Variants in KIAA1217 observed in about 807,000 individuals in gnomAD.
KIAA1217 encodes the protein sickle tail protein homolog.
A neutral mutation model predicts 163.9 loss-of-function variants in KIAA1217; 88 were observed. The observed-to-expected ratio is 0.54, with a 90% CI of 0.45 to 0.64. The LOEUF is 0.64. KIAA1217 is among the 30% of genes least tolerant of loss of function. The pLI, the probability that KIAA1217 is intolerant of heterozygous loss-of-function variation, is 0.00. For synonymous variants in KIAA1217, 903 were observed against 923.1 expected (o/e 0.98, Z 0.39); for missense variants, 2,372 against 2,475.0 (o/e 0.96, Z 0.88).
chr10:23,794,226 T>A (rs1451679252), intron 1 of KIAA1217, among the ~76,000 whole-genome samples: 1 of 152,204 alleles, frequency 6.6e-6, no homozygotes, highest in Non-Finnish European at 1.5e-5. Flanking sequence ...ATGCTTACCT[T>A]TTGCTGATTT....
chr10:24,212,145 C>T (rs1486319125), intron 1 of KIAA1217, among the ~76,000 whole-genome samples: 1 of 151,748 alleles, frequency 6.6e-6, no homozygotes, highest in African/African-American at 2.4e-5. Context: ...AAAGAAAAGA[C>T]AAACAAGACA....
At chr10:24,138,361 C>T (rs951838717) in intron 2 of KIAA1217, among the ~76,000 whole-genome samples, 5 of 152,160 alleles carry the variant, frequency 3.3e-5, no homozygotes, top group African/African-American at 4.8e-5. Context: ...GTTTCCCAGG[C>T]TGGTCTTGAA....
At chr10:24,310,293 CACA>C (rs1248051371) in intron 2 of KIAA1217, among the ~76,000 whole-genome samples, 1 of 152,180 alleles carries the variant, frequency 6.6e-6, no homozygotes, top group Non-Finnish European at 1.5e-5. Flanking sequence ...ATTTCATCTT[CACA>C]ACAACTCGAT....
chr10:24,202,270 G>T (rs1330955656), intron 2 of KIAA1217, among the ~76,000 whole-genome samples: 2 of 152,208 alleles, frequency 1.3e-5, no homozygotes, highest in Admixed American at 1.3e-4. Context: ...ATTTGGCAGA[G>T]AAGCCAGTAG....
chr10:23,726,642 G>A (rs1838153650), intron 1 of KIAA1217, among the ~76,000 whole-genome samples: 1 of 151,976 alleles, frequency 6.6e-6, no homozygotes, highest in African/African-American at 2.4e-5. Flanking sequence ...GAAAATTTTT[G>A]CAATCTACTC....
chr10:24,221,417 T>C (rs1325593539), intron 2 of KIAA1217, among the ~76,000 whole-genome samples: 1 of 152,126 alleles, frequency 6.6e-6, no homozygotes, highest in Non-Finnish European at 1.5e-5. Context: ...GGAGGAAAGC[T>C]CAGTGTTTTA....
intron 1 of KIAA1217, among the ~76,000 whole-genome samples, chr10:23,967,345 A>C (rs1012871718): frequency 6.6e-6 from 1 of 152,192 alleles, no homozygotes; most frequent in Non-Finnish European, 1.5e-5. Context: ...AGAAAATTAC[A>C]TGGTAATTTA....
intron 2 of KIAA1217, among the ~76,000 whole-genome samples, chr10:24,335,583 A>G (rs911531806): frequency 1.1e-4 from 13 of 114,640 alleles, no homozygotes; most frequent in African/African-American, 4.8e-4. Context: ...ATTTTATCTT[A>G]TTTTATTTAT....
chr10:24,415,787 C>T (rs2058198334), intron 3 of KIAA1217, among the ~76,000 whole-genome samples: 2 of 152,198 alleles, frequency 1.3e-5, no homozygotes. Context: ...CTCAGGAACC[C>T]CTTTATTGCT....
chr10:24,164,898 G>T (rs1366593172), intron 2 of KIAA1217, among the ~76,000 whole-genome samples: 10 of 152,166 alleles, frequency 6.6e-5, no homozygotes, highest in African/African-American at 2.2e-4. Flanking sequence ...TGTGACAGGG[G>T]ATACTCTCCC....
chr10:24,328,320 G>A (rs1436461048), intron 2 of KIAA1217, among the ~76,000 whole-genome samples: 1 of 152,068 alleles, frequency 6.6e-6, no homozygotes, highest in East Asian at 1.9e-4. Flanking sequence ...CAGGAAGCAG[G>A]GGGTCAATGA....
intron 1 of KIAA1217, among the ~76,000 whole-genome samples, chr10:23,744,132 T>C (rs971498386): frequency 6.6e-6 from 1 of 152,138 alleles, no homozygotes; most frequent in Admixed American, 6.5e-5. Context: ...CAACAGGAAG[T>C]TGGCAACCTT....
chr10:23,963,795 A>T (rs1844929181), intron 1 of KIAA1217, among the ~76,000 whole-genome samples: 1 of 152,096 alleles, frequency 6.6e-6, no homozygotes, highest in Admixed American at 6.5e-5. Context: ...CTGACTTTTT[A>T]ATCATAGCCA....
intron 1 of KIAA1217, among the ~76,000 whole-genome samples, chr10:23,929,434 T>C (rs1036479599): frequency 6.6e-5 from 10 of 152,120 alleles, no homozygotes; most frequent in Non-Finnish European, 1.5e-4. Flanking sequence ...TAGTACCCAA[T>C]AGGTAGTTTT....
At chr10:24,127,741 C>T (rs888344263) in intron 2 of KIAA1217, among the ~76,000 whole-genome samples, 1 of 152,104 alleles carries the variant, frequency 6.6e-6, no homozygotes, top group African/African-American at 2.4e-5. Flanking sequence ...AGTACATTAG[C>T]AAACAAAATA....
At chr10:24,099,571 ATATATATATATATAT>A in intron 2 of KIAA1217, among the ~76,000 whole-genome samples, 1 of 142,358 alleles carries the variant, frequency 7.0e-6, no homozygotes, top group South Asian at 2.2e-4. Context: ...CATTTTCTTT[ATATATATATATATAT>A]TATATATATA....
Position 24,528,128 on chromosome 10 carries a change from C to T in KIAA1217, c.3082+9C>T, listed in dbSNP as rs775808949. 46 of 1,613,142 alleles carry T rather than the reference C, an allele frequency of 2.9e-5. No individual in the cohort carries two copies. In the East Asian group the frequency reaches 6.7e-4, roughly 23 times the overall value. On this transcript the variant is annotated intron_variant, in intron 14 of 20. Transcript: ENST00000376454. ...CAAGGTGGAACTTTCAGGTAAGTTCCGGTCCCACAGCAGGAATATATGGAG... is the reference window on the plus strand; with the variant it reads ...CAAGGTGGAACTTTCAGGTAAGTTCTGGTCCCACAGCAGGAATATATGGAG...
intron 1 of KIAA1217, among the ~76,000 whole-genome samples, chr10:23,807,324 A>T (rs1588860488): frequency 6.6e-6 from 1 of 152,382 alleles, no homozygotes; most frequent in African/African-American, 2.4e-5. Flanking sequence ...CAGATCTTAG[A>T]TGAAGGTCAC....
chr10:23,818,115 A>ATC, intron 1 of KIAA1217, among the ~76,000 whole-genome samples: 1 of 141,810 alleles, frequency 7.1e-6, no homozygotes. Flanking sequence ...ACACACATAT[A>ATC]TATATATACT....
Sources: allele counts gnomAD v4.1 joint callset (sites outside exome capture counted in the v4.1 genomes callset), GRCh38; gene constraint gnomAD v4.1.1; transcripts MANE v1.5; gene names NCBI Gene and HGNC (gene_info 2026-07-23, HGNC 2026-07-21).